The following HNF4G variants were observed in gnomAD, a reference collection of about 807,000 sequenced individuals.
HNF4G encodes the protein hepatocyte nuclear factor 4 gamma, also known as hepatocyte nuclear factor 4-gamma.
Under a neutral mutation model 50.9 loss-of-function variants are expected in HNF4G, and 21 were observed. The ratio of observed to expected loss-of-function variants is 0.41; its 90% CI spans 0.29 to 0.59. HNF4G has a LOEUF of 0.59. Ranked by LOEUF, HNF4G falls within the 20% of genes least tolerant of loss-of-function variation. The pLI is 0.26. For missense variants in HNF4G, 527 were observed against 559.4 expected (o/e 0.94, Z 0.58); for synonymous variants, 198 against 185.6 (o/e 1.07, Z -0.54).
At chr8:75,444,496 G>A (rs1434614009) in intron 1 of HNF4G, among the ~76,000 whole-genome samples, 1 of 122,244 alleles carries the variant, frequency 8.2e-6, no homozygotes, top group African/African-American at 3.5e-5. Flanking sequence ...GTTGGATAAA[G>A]AGTCAAGACC....
intron 1 of HNF4G, among the ~76,000 whole-genome samples, chr8:75,412,598 C>T (rs1422222082): frequency 6.6e-6 from 1 of 152,120 alleles, no homozygotes; most frequent in East Asian, 1.9e-4. Flanking sequence ...AGTATGATAA[C>T]ACCTGGATCT....
intron 1 of HNF4G, among the ~76,000 whole-genome samples, chr8:75,541,208 CA>C (rs1353574789): frequency 6.6e-6 from 1 of 152,068 alleles, no homozygotes; most frequent in Non-Finnish European, 1.5e-5. Context: ...TTGCCATAAT[CA>C]TAACACTTAT....
intron 2 of HNF4G, among the ~76,000 whole-genome samples, chr8:75,500,756 A>G (rs1812905357): frequency 6.6e-6 from 1 of 152,172 alleles, no homozygotes; most frequent in Non-Finnish European, 1.5e-5. Context: ...GAAACAAGAC[A>G]CACATGCACA....
intron 6 of HNF4G, among the ~76,000 whole-genome samples, chr8:75,556,471 C>G (rs1807131033): frequency 6.6e-6 from 1 of 152,056 alleles, no homozygotes; most frequent in Admixed American, 6.6e-5. Flanking sequence ...GTCCTATGAT[C>G]TTATTGCCCA....
chr8:75,548,690 G>C (rs989663066), intron 3 of HNF4G, among the ~76,000 whole-genome samples: 3 of 152,162 alleles, frequency 2.0e-5, no homozygotes, highest in Non-Finnish European at 4.4e-5. Context: ...CAGTTTTGCT[G>C]TTTGGTCATG....
chr8:75,436,726 C>T (rs996248456), intron 1 of HNF4G, among the ~76,000 whole-genome samples: 1 of 152,122 alleles, frequency 6.6e-6, no homozygotes, highest in African/African-American at 2.4e-5. Flanking sequence ...TGTAAAGAGA[C>T]ACTGAAACAT....
At chr8:75,430,572 G>C (rs996725340) in intron 1 of HNF4G, among the ~76,000 whole-genome samples, 3 of 151,806 alleles carry the variant, frequency 2.0e-5, no homozygotes. Flanking sequence ...TGTAGTGAAG[G>C]AAAAGGAAAG....
At chr8:75,547,807 C>A in intron 3 of HNF4G, 126 bp downstream of exon 3, 1 of 641,094 alleles carries the variant, frequency 1.6e-6, no homozygotes, top group East Asian at 2.7e-5. Flanking sequence ...AAGGAGGAAT[C>A]TATGATTCCT....
chr8:75,519,479 A>G (rs1239746204), intron 2 of HNF4G, among the ~76,000 whole-genome samples: 2 of 152,230 alleles, frequency 1.3e-5, no homozygotes, highest in Admixed American at 1.3e-4. Flanking sequence ...TAATAAAGAC[A>G]TACCCGAGAC....
At chr8:75,510,459 A>G (rs1805719571) in intron 2 of HNF4G, among the ~76,000 whole-genome samples, 3 of 152,186 alleles carry the variant, frequency 2.0e-5, no homozygotes, top group Admixed American at 2.0e-4. Context: ...CCACACACTC[A>G]CTGACTTACC....
At chr8:75,525,731 T>C (rs1180985677) in intron 2 of HNF4G, among the ~76,000 whole-genome samples, 1 of 152,178 alleles carries the variant, frequency 6.6e-6, no homozygotes, top group African/African-American at 2.4e-5. Flanking sequence ...ATTCAACCAA[T>C]TAAGATATAA....
At chr8:75,457,333 A>G (rs1811746634) in intron 1 of HNF4G, among the ~76,000 whole-genome samples, 1 of 152,204 alleles carries the variant, frequency 6.6e-6, no homozygotes. Context: ...TATTTGACAT[A>G]ATCAGGTGGT....
intron 1 of HNF4G, among the ~76,000 whole-genome samples, chr8:75,449,427 T>C (rs1314124722): frequency 6.6e-6 from 1 of 152,040 alleles, no homozygotes; most frequent in Non-Finnish European, 1.5e-5. Context: ...ACATGATGTC[T>C]TGATATATGC....
intron 2 of HNF4G, among the ~76,000 whole-genome samples, chr8:75,496,354 T>G (rs570070457): frequency 1.6e-4 from 25 of 152,136 alleles, no homozygotes; most frequent in Admixed American, 6.5e-4. Context: ...CCTGAATATA[T>G]CTTAATATAA....
chr8:75,440,377 C>A (rs1436319496), intron 1 of HNF4G, among the ~76,000 whole-genome samples: 2 of 152,154 alleles, frequency 1.3e-5, no homozygotes, highest in South Asian at 2.1e-4. Context: ...TTCTAACACA[C>A]TTTTGATGCA....
chr8:75,553,114 G>C lies in HNF4G; in HGVS notation c.562G>C (p.Glu188Gln), dbSNP rs749232484. 1 of 1,612,630 alleles carries C rather than the reference G, an allele frequency of 6.2e-7. No homozygotes were observed. Among genetic ancestry groups the C allele is most frequent in the African/African-American group, 1.3e-5 (1 of 74,924 alleles). ...AATTGCAAGTATTGGTGATGTCTGTGAATCTATGAAACAGCAGCTCTTAGT... is the reference window on the plus strand; with the variant it reads ...AATTGCAAGTATTGGTGATGTCTGTCAATCTATGAAACAGCAGCTCTTAGT... ...KKIASIGDVC[E>Q]SMKQQLLVLV... Residue 188 changes from glutamate (E) to glutamine (Q), a missense_variant, in exon 5 of 10, where the codon GAA becomes CAA. This residue lies in a region of HNF4G where 128 missense variants were observed against 135.3 expected (regional missense o/e 0.95). Coordinates refer to ENST00000396423, the MANE Select transcript of HNF4G (RefSeq NM_004133.5).
intron 1 of HNF4G, among the ~76,000 whole-genome samples, chr8:75,441,014 C>T (rs1016122008): frequency 1.2e-4 from 18 of 151,990 alleles, no homozygotes; most frequent in African/African-American, 4.1e-4. Context: ...ACCACAATGC[C>T]CACCTAAATT....
rs908909247 is a variant in HNF4G at position 75,553,330 on chromosome 8, T to C, written c.645+133T>C. ...GCAAAAGATAAATTAGGAGGAAGGA[T>C]TGGGTTTCCTTACCCATTCACCTTG... is the stretch of plus-strand genomic sequence containing the variant. On this transcript the variant is annotated intron_variant, in intron 5 of 9. Coordinates refer to ENST00000396423, the MANE Select transcript of HNF4G (RefSeq NM_004133.5). 84 of 714,428 alleles carry C rather than the reference T, an allele frequency of 1.2e-4. No homozygotes were observed. In the South Asian group the frequency reaches 1.7e-3, roughly 14 times the overall value. The allele number at this position is 714,428 out of a possible 1,614,324, so 44.3% of individuals were successfully genotyped here. A position where few individuals can be genotyped will look rare whatever the true frequency, so the allele number is the denominator to read the frequency against.
At chr8:75,485,397 G>T (rs1420840190) in intron 1 of HNF4G, among the ~76,000 whole-genome samples, 4 of 152,006 alleles carry the variant, frequency 2.6e-5, no homozygotes, top group Non-Finnish European at 5.9e-5. Context: ...TAATTTTTCT[G>T]AACAATTTAA....
Sources: gnomAD v4.1 joint callset for allele counts (sites outside exome capture counted in the v4.1 genomes callset) on GRCh38, gnomAD v4.1.1 for gene constraint, gnomAD v4.1.1 regional missense constraint, MANE v1.5 for transcripts, NCBI Gene and HGNC (gene_info 2026-07-23, HGNC 2026-07-21) for gene names.